The following USP9X variants were observed in gnomAD, a reference collection of about 807,000 sequenced individuals.
The protein encoded by USP9X is ubiquitin specific peptidase 9 X-linked, also known as ubiquitin carboxyl-terminal hydrolase 9X.
A neutral mutation model predicts 190.3 loss-of-function variants in USP9X; 7 were observed. That is an observed-to-expected ratio of 0.04 (90% CI 0.02 to 0.07). The LOEUF is 0.07. USP9X is among the 10% of genes least tolerant of loss of function. USP9X has a pLI of 1.00. For missense variants in USP9X, 1,010 were observed against 1,916.9 expected, an observed-to-expected ratio of 0.53 and a Z score of 8.83; for synonymous variants, 645 against 659.5, an observed-to-expected ratio of 0.98 and a Z score of 0.34.
chrX:41,181,111 C>G lies in USP9X; in HGVS notation c.3149-2887C>G, dbSNP rs1418434927. Among the ~76,000 whole-genome samples the G allele has an allele frequency of 2.7e-5, 3 of 111,255 alleles. No individual in the cohort carries two copies. The East Asian group carries it at 8.4e-4, about 31-fold the overall frequency. ...CAGTCCTCTCTATATGTAATACCATCTTTTGTAAAAGTCTGTTGTAAGCTC... is the reference window on the plus strand; with the variant it reads ...CAGTCCTCTCTATATGTAATACCATGTTTTGTAAAAGTCTGTTGTAAGCTC... On this transcript the variant is annotated intron_variant, in intron 21 of 44. Coordinates refer to ENST00000378308, the MANE Select transcript of USP9X (RefSeq NM_001039591.3).
intron 3 of USP9X, among the ~76,000 whole-genome samples, chrX:41,129,864 GT>G (rs1028827738): frequency 2.7e-5 from 3 of 110,345 alleles, no homozygotes; most frequent in African/African-American, 9.9e-5. Flanking sequence ...GCTTTACTGA[GT>G]TTTTTTTTAA....
intron 3 of USP9X, 68 bp from the exon 4 acceptor site, chrX:41,131,389 T>C: frequency 1.3e-6 from 1 of 758,000 alleles, no homozygotes; most frequent in Non-Finnish European, 1.9e-6. Context: ...TTATAATTAG[T>C]AGCTCATTTG....
At chrX:41,135,610 T>A (rs1231714525) in intron 5 of USP9X, among the ~76,000 whole-genome samples, 2 of 111,470 alleles carry the variant, frequency 1.8e-5, no homozygotes, top group East Asian at 5.6e-4. Context: ...ATAACTACTC[T>A]AAGTCTCTGT....
Position 41,119,137 on chromosome X carries a change from G to A in USP9X, c.-158-4334G>A, listed in dbSNP as rs190539457. Among the ~76,000 whole-genome samples, 91 of 111,720 alleles carry A rather than the reference G, an allele frequency of 8.1e-4. 1 individual carries two copies. The Middle Eastern group carries it at 0.027, about 34-fold the overall frequency. ...ATCTTGAAGCCCATCCCTACGTCTC[G>A]ATTAAGACCTTCTGGCTTAAAGCAG... On this transcript the variant is annotated intron_variant, in intron 1 of 44. Transcript: ENST00000378308.
At chrX:41,201,306 T>C in intron 31 of USP9X, 26 bp downstream of exon 31, 9 of 1,159,670 alleles carry the variant, frequency 7.8e-6, no homozygotes, top group Non-Finnish European at 1.1e-5. Context: ...CATTTCTGTT[T>C]TCTGTGTTTC....
At chrX:41,134,349 T>C (rs1432756056) in intron 4 of USP9X, among the ~76,000 whole-genome samples, 1 of 112,368 alleles carries the variant, frequency 8.9e-6, no homozygotes, top group Non-Finnish European at 1.9e-5. Context: ...AAGACATAAT[T>C]CATTTTATTT....
chrX:41,147,657 T>C (rs923510361), intron 11 of USP9X, among the ~76,000 whole-genome samples: 4 of 111,031 alleles, frequency 3.6e-5, no homozygotes, highest in African/African-American at 1.3e-4. Flanking sequence ...TTCACCATGT[T>C]AGCCAGGCTG....
rs752138832 is a variant in USP9X, at chrX:41,201,217, C to T, written c.4761C>T (p.Ala1587=). The part of the protein sequence containing the change: ...MIPSIRNGIL[A]IEGTGSDVDD... ...CTTCCATTAGGAACGGTATTCTTGC[C>T]ATTGAAGGCACAGGTAGTGATGTAG... The change falls in exon 31 of 45, where the codon GCC becomes GCT. Residue 1587 remains alanine (A), a synonymous_variant. Coordinates refer to ENST00000378308, the MANE Select transcript of USP9X (RefSeq NM_001039591.3). 8.3e-7 allele frequency: 1 copy of T among 1,211,425 alleles called. No individual in the cohort carries two copies. The highest frequency in any genetic ancestry group is 1.8e-5 in the South Asian group (1 of 56,986).
At chrX:41,088,047 G>A (rs922538886) in intron 1 of USP9X, among the ~76,000 whole-genome samples, 48 of 111,794 alleles carry the variant, frequency 4.3e-4, no homozygotes, top group African/African-American at 1.5e-3. Flanking sequence ...GCAGTGGCAC[G>A]ATCTCGGCTC....
At chrX:41,098,406 C>T (rs2062008865) in intron 1 of USP9X, among the ~76,000 whole-genome samples, 1 of 111,060 alleles carries the variant, frequency 9.0e-6, no homozygotes, top group African/African-American at 3.3e-5. Flanking sequence ...TCCCAAAGTG[C>T]AGGGATTACA....
intron 14 of USP9X, among the ~76,000 whole-genome samples, chrX:41,160,894 A>T (rs891032390): frequency 2.7e-5 from 3 of 111,803 alleles, no homozygotes; most frequent in African/African-American, 9.8e-5. Flanking sequence ...GGGAAAATTG[A>T]TGAACTCGAA....
intron 2 of USP9X, among the ~76,000 whole-genome samples, chrX:41,128,160 G>A (rs2062273246): frequency 8.9e-6 from 1 of 112,028 alleles, no homozygotes; most frequent in Non-Finnish European, 1.9e-5. Flanking sequence ...TGGTTTGGGT[G>A]TAGGGAAGTT....
chrX:41,140,626 A>C, intron 6 of USP9X, 30 bp from the exon 7 acceptor site: 2 of 1,077,398 alleles, frequency 1.9e-6, no homozygotes, highest in Non-Finnish European at 2.6e-6. Flanking sequence ...TAAAGTAGGA[A>C]GTTAACTTTT....
At chrX:41,094,849 G>A (rs1569145068) in intron 1 of USP9X, among the ~76,000 whole-genome samples, 1 of 108,401 alleles carries the variant, frequency 9.2e-6, no homozygotes, top group Non-Finnish European at 1.9e-5. Flanking sequence ...GACCAGCCTG[G>A]CCAACATGGT....
intron 6 of USP9X, among the ~76,000 whole-genome samples, chrX:41,138,228 C>T (rs986589737): frequency 4.5e-5 from 5 of 111,389 alleles, no homozygotes; most frequent in African/African-American, 1.6e-4. Context: ...TTTTAAAAAT[C>T]TGATTAAAAG....
chrX:41,165,764 C>T (rs1264332293), intron 15 of USP9X, 108 bp from the exon 16 acceptor site: 4 of 602,838 alleles, frequency 6.6e-6, no homozygotes, highest in Non-Finnish European at 9.9e-6. Flanking sequence ...ATCTTTTTAT[C>T]TATAGTTAAA....
intron 37 of USP9X, 32 bp from the exon 38 acceptor site, chrX:41,219,070 C>T: frequency 8.4e-7 from 1 of 1,191,556 alleles, no homozygotes; most frequent in Non-Finnish European, 1.1e-6. Context: ...TACCTTGTTG[C>T]TGTAAAACAG....
chrX:41,110,635 T>G (rs2062102577), intron 1 of USP9X, among the ~76,000 whole-genome samples: 2 of 112,030 alleles, frequency 1.8e-5, no homozygotes, highest in Non-Finnish European at 3.8e-5. Flanking sequence ...TTGCTTAGAA[T>G]AGTGCCTGAG....
At chrX:41,169,134 CT>C (rs2062703296) in intron 18 of USP9X, among the ~76,000 whole-genome samples, 1 of 109,601 alleles carries the variant, frequency 9.1e-6, no homozygotes, top group Non-Finnish European at 1.9e-5. Flanking sequence ...ACTCTACCTT[CT>C]TTTTTTGAAT....
Sources: allele counts gnomAD v4.1 joint callset (sites outside exome capture counted in the v4.1 genomes callset), GRCh38; gene constraint gnomAD v4.1.1; transcripts MANE v1.5; gene names NCBI Gene and HGNC (gene_info 2026-07-23, HGNC 2026-07-21).